The following ABCC6 variants were observed in gnomAD, a reference collection of about 807,000 sequenced individuals.
ABCC6 encodes the protein ATP-binding cassette sub-family C member 6.
A neutral mutation model predicts 169.5 loss-of-function variants in ABCC6; 126 were observed. The observed-to-expected ratio is 0.74, with a 90% CI of 0.64 to 0.86. ABCC6 has a LOEUF of 0.86. Among genes scored for constraint, ABCC6 ranks in the 40% least tolerant of loss-of-function variants. The pLI, the probability that ABCC6 is intolerant of heterozygous loss-of-function variation, is 0.00. For missense variants in ABCC6, 1,733 were observed against 1,927.2 expected, an observed-to-expected ratio of 0.90 and a Z score of 1.89; for synonymous variants, 752 against 814.7, an observed-to-expected ratio of 0.92 and a Z score of 1.31.
rs1177075728 is a variant in ABCC6, at chr16:16,198,148, C to A, written c.1211G>T (p.Ser404Ile). 1.9e-6 allele frequency: 3 copies of A among 1,608,732 alleles called. No homozygotes were observed. The highest frequency in any genetic ancestry group is 3.4e-5 in the Admixed American group (2 of 59,172). Residue 404 changes from serine to isoleucine, a missense_variant, in exon 10 of 31, where the codon AGT becomes ATT. Ser to Ile is a moderately radical substitution (Grantham distance 142). Transcript: ENST00000205557. ...CAGATTGACCACATCACCCACCGCACTGGCCTTTCTGGAGCCGCTGGACAG... is the reference window on the plus strand; with the variant it reads ...CAGATTGACCACATCACCCACCGCAATGGCCTTTCTGGAGCCGCTGGACAG... ...LALSSGSRKA[S>I]AVGDVVNLVS...
intron 17 of ABCC6, among the ~76,000 whole-genome samples, chr16:16,179,919 A>G (rs544129143): frequency 6.6e-6 from 1 of 152,178 alleles, no homozygotes; most frequent in Non-Finnish European, 1.5e-5. Context: ...ATTGTAATAT[A>G]TAATGACTCA....
chr16:16,186,137 T>TAAAC (rs2047647673), intron 14 of ABCC6, among the ~76,000 whole-genome samples: 1 of 152,184 alleles, frequency 6.6e-6, no homozygotes, highest in African/African-American at 2.4e-5. Context: ...GTACACAGTT[T>TAAAC]GCCCAGGTTC....
At chr16:16,162,409 C>T (rs963005592) in intron 24 of ABCC6, among the ~76,000 whole-genome samples, 2 of 152,188 alleles carry the variant, frequency 1.3e-5, no homozygotes, top group African/African-American at 4.8e-5. Context: ...GATTTATCAT[C>T]TATAGAACAG....
At chr16:16,193,066 T>A in intron 10 of ABCC6, 144 bp from the exon 11 acceptor site, 1 of 679,430 alleles carries the variant, frequency 1.5e-6, no homozygotes, top group Non-Finnish European at 2.6e-6. Context: ...ACGGTTAGGG[T>A]ATTGTAAGTC....
Position 16,203,535 on chromosome 16 carries a change from T to C in ABCC6, c.873A>G (p.Gln291=). Residue 291 remains glutamine, a synonymous_variant, in exon 8 of 31, where the codon CAA becomes CAG. Transcript: ENST00000205557. Reference sequence around the variant, plus strand: ...GCAGTGGGCGCCACTGGCTCCCTTCTTGCCGTAGGAAGGGCTCGGTCTCTG... The same window carrying C: ...GCAGTGGGCGCCACTGGCTCCCTTCCTGCCGTAGGAAGGGCTCGGTCTCTG... ...KAPETEPFLR[Q]EGSQWRPLLK... is the part of the protein sequence containing the mutation. The C allele has an allele frequency of 6.2e-7, 1 of 1,614,008 alleles. No individual in the cohort carries two copies. The highest frequency in any genetic ancestry group is 1.3e-5 in the African/African-American group (1 of 75,050).
chr16:16,190,061 GGA>G, intron 12 of ABCC6, 101 bp downstream of exon 12: 2 of 1,248,462 alleles, frequency 1.6e-6, no homozygotes, highest in Middle Eastern at 2.6e-4. Context: ...GGGTTTTGAT[GGA>G]CGGGGTGGTA....
chr16:16,165,282 C>T (rs2046839516), intron 23 of ABCC6, among the ~76,000 whole-genome samples: 1 of 152,132 alleles, frequency 6.6e-6, no homozygotes, highest in South Asian at 2.1e-4. Flanking sequence ...GTCATGGTGG[C>T]ACGTGCCTGT....
chr16:16,196,236 A>G (rs1036529767), intron 10 of ABCC6, among the ~76,000 whole-genome samples: 5 of 151,788 alleles, frequency 3.3e-5, no homozygotes, highest in African/African-American at 4.8e-5. Context: ...TCAAAAGGAT[A>G]CTATTTCACG....
At chr16:16,214,473 A>G in intron 4 of ABCC6, 24 bp from the exon 5 acceptor site, 2 of 1,551,834 alleles carry the variant, frequency 1.3e-6, no homozygotes, top group Non-Finnish European at 1.7e-6. Context: ...AGCAGAAGAT[A>G]AGGAATGGAG....
intron 4 of ABCC6, among the ~76,000 whole-genome samples, chr16:16,215,583 C>T (rs997452777): frequency 2.0e-5 from 3 of 151,274 alleles, no homozygotes; most frequent in Non-Finnish European, 4.4e-5. Flanking sequence ...AAGCGATTCT[C>T]CTGCCTTAGC....
At chr16:16,187,087 T>G in intron 14 of ABCC6, 37 bp downstream of exon 14, 1 of 1,247,940 alleles carries the variant, frequency 8.0e-7, no homozygotes, top group Non-Finnish European at 1.2e-6. Context: ...ACATCCCCCA[T>G]CCCTCCCACA....
At chr16:16,168,164 C>T (rs183703075) in intron 22 of ABCC6, among the ~76,000 whole-genome samples, 25 of 14,660 alleles carry the variant, frequency 1.7e-3, no homozygotes, top group South Asian at 6.9e-3. Context: ...TGAATGAGGA[C>T]GAATCAACAT....
At chr16:16,208,910 G>A in intron 6 of ABCC6, 51 bp from the exon 7 acceptor site, 1 of 1,613,198 alleles carries the variant, frequency 6.2e-7, no homozygotes. Flanking sequence ...CACCCCTGCA[G>A]GATCCTGGCC....
chr16:16,205,024 C>T (rs2048350259), intron 7 of ABCC6, among the ~76,000 whole-genome samples: 1 of 151,852 alleles, frequency 6.6e-6, no homozygotes, highest in African/African-American at 2.4e-5. Flanking sequence ...TTGGTAGAGA[C>T]AGGGTTTCAC....
intron 29 of ABCC6, among the ~76,000 whole-genome samples, chr16:16,151,138 C>T (rs962031115): frequency 4.6e-5 from 7 of 151,874 alleles, no homozygotes; most frequent in Admixed American, 6.6e-5. Flanking sequence ...AATCTCAGCT[C>T]GCTGCAACTT....
At chr16:16,177,821 T>C (rs919482322) in intron 18 of ABCC6, among the ~76,000 whole-genome samples, 195 bp from the exon 19 acceptor site, 12 of 151,946 alleles carry the variant, frequency 7.9e-5, no homozygotes, top group Non-Finnish European at 1.5e-4. Context: ...CGCACACCTG[T>C]AGTCTCAGCT....
chr16:16,150,688 G>A lies in ABCC6; in HGVS notation c.4293C>T (p.Ala1431=), dbSNP rs766362120. Reference sequence around the variant, plus strand: ...TCTGCAGCTCCGTGCCAGGGTCCACGGCAGCAGTAGCCTCGTCCAGGATGA... The same window carrying A: ...TCTGCAGCTCCGTGCCAGGGTCCACAGCAGCAGTAGCCTCGTCCAGGATGA... The part of the protein sequence containing the change: ...QILILDEATA[A]VDPGTELQMQ... Residue 1431 remains alanine, a synonymous_variant, in exon 30 of 31, where the codon GCC becomes GCT. Coordinates refer to ENST00000205557, the MANE Select transcript of ABCC6 (RefSeq NM_001171.6). 31 of 1,613,644 alleles carry A rather than the reference G, an allele frequency of 1.9e-5. No homozygotes were observed. The highest frequency in any genetic ancestry group is 8.9e-5 in the East Asian group (4 of 44,876).
In ABCC6 at chr16:16,182,490, C is replaced by T; in HGVS notation, c.2169G>A (p.Glu723=). The part of the protein sequence containing the change: ...FGQELDPPWL[E]RVLEACALQP... Reference sequence around the variant, plus strand: ...GCAGGGCACAGGCTTCTAGTACTCTCTCCAGCCAGGGTGGGTCCAGCTCCT... The same window carrying T: ...GCAGGGCACAGGCTTCTAGTACTCTTTCCAGCCAGGGTGGGTCCAGCTCCT... The change falls in exon 17 of 31, where the codon GAG becomes GAA. Residue 723 remains glutamate, a synonymous_variant. Coordinates refer to ENST00000205557, the MANE Select transcript of ABCC6 (RefSeq NM_001171.6). 1 of 1,614,234 alleles carries T rather than the reference C, an allele frequency of 6.2e-7. No individual in the cohort carries two copies. Among genetic ancestry groups the T allele is most frequent in the South Asian group, 1.1e-5 (1 of 91,090 alleles).
Position 16,150,781 on chromosome 16 carries a change from G to T in ABCC6, c.4209-9C>A. On this transcript the variant is annotated splice_polypyrimidine_tract_variant and intron_variant, in intron 29 of 30. Coordinates refer to ENST00000205557, the MANE Select transcript of ABCC6 (RefSeq NM_001171.6). Reference sequence around the variant, plus strand: ...GCTGTTTCTGGCCCACGCTGGGAACGATTGGGACAATTAGCTGGGACGTGC... The same window carrying T: ...GCTGTTTCTGGCCCACGCTGGGAACTATTGGGACAATTAGCTGGGACGTGC... The T allele has an allele frequency of 2.5e-6, 4 of 1,613,068 alleles. No homozygotes were observed. Among genetic ancestry groups the T allele is most frequent in the South Asian group, 1.1e-5 (1 of 90,862 alleles).
Sources: allele counts gnomAD v4.1 joint callset (sites outside exome capture counted in the v4.1 genomes callset), GRCh38; gene constraint gnomAD v4.1.1; transcripts MANE v1.5; gene names NCBI Gene and HGNC (gene_info 2026-07-23, HGNC 2026-07-21).